CD109: variants seen among roughly 807,000 people sequenced by gnomAD.
CD109 encodes the protein CD109 molecule.
CD109 carries 149 observed loss-of-function variants against 165.8 expected under a neutral mutation model. The ratio of observed to expected loss-of-function variants is 0.90; its 90% CI spans 0.79 to 1.03. The LOEUF is 1.03. CD109 is among the 50% of genes least tolerant of loss of function. CD109 has a pLI of 0.00. For synonymous variants in CD109, 585 were observed against 592.1 expected, an observed-to-expected ratio of 0.99 and a Z score of 0.18; for missense variants, 1,712 against 1,677.8, an observed-to-expected ratio of 1.02 and a Z score of -0.36.
At chr6:73,749,886 A>G (rs180795692) in intron 5 of CD109, among the ~76,000 whole-genome samples, 1 of 152,212 alleles carries the variant, frequency 6.6e-6, no homozygotes, top group Non-Finnish European at 1.5e-5. Context: ...TGACATGATT[A>G]AAGTTGTATT....
intron 29 of CD109, 111 bp downstream of exon 29, chr6:73,812,381 C>A: frequency 1.4e-6 from 1 of 691,172 alleles, no homozygotes; most frequent in Non-Finnish European, 2.4e-6. Flanking sequence ...TAATGATTTA[C>A]ATCTGTGACT....
intron 4 of CD109, among the ~76,000 whole-genome samples, chr6:73,735,670 G>A (rs1223129125): frequency 6.6e-6 from 1 of 152,110 alleles, no homozygotes; most frequent in Non-Finnish European, 1.5e-5. Context: ...TCTCTAATAT[G>A]CTTTTGTTGA....
rs147895655 is a variant in CD109 at position 73,807,570 on chromosome 6, C to T, written c.3189+498C>T. On this transcript the variant is annotated intron_variant, in intron 25 of 32. Coordinates refer to ENST00000287097, the MANE Select transcript of CD109 (RefSeq NM_133493.5). ...GAGTATGCGTGGAAAGGTATGCTGACGAGCTTAAGTTTGCTCCAGAGCTGT... is the reference window on the plus strand; with the variant it reads ...GAGTATGCGTGGAAAGGTATGCTGATGAGCTTAAGTTTGCTCCAGAGCTGT... Among the ~76,000 whole-genome samples, 417 of 152,226 alleles carry T rather than the reference C, an allele frequency of 2.7e-3. 2 individuals carry two copies. Among genetic ancestry groups the T allele is most frequent in the Non-Finnish European group, 4.1e-3 (279 of 68,002 alleles).
At chr6:73,751,881 A>G (rs1582102244) in intron 5 of CD109, among the ~76,000 whole-genome samples, 1 of 152,194 alleles carries the variant, frequency 6.6e-6, no homozygotes, top group Non-Finnish European at 1.5e-5. Context: ...GTTAAGAGTT[A>G]CAAAACCAGT....
rs1306470815 is a variant in CD109 at position 73,827,648 on chromosome 6, T to C, written c.*4015T>C. On this transcript the variant is annotated 3_prime_UTR_variant, in exon 33 of 33. Transcript: ENST00000287097. ...TGAGAGTAGGCTTGTTTTACAACTA[T>C]TTCTAGCCAGTGAGTTGTGTTTTCA... 4 of 152,148 alleles carry C rather than the reference T, an allele frequency of 2.6e-5. No individual in the cohort carries two copies. The highest frequency in any genetic ancestry group is 4.4e-5 in the Non-Finnish European group (3 of 68,016). 9.4% of individuals were successfully genotyped at this position (152,148 alleles called of 1,614,324 possible).
At chr6:73,718,098 C>T (rs1354727383) in intron 2 of CD109, among the ~76,000 whole-genome samples, 1 of 151,822 alleles carries the variant, frequency 6.6e-6, no homozygotes, top group South Asian at 2.1e-4. Flanking sequence ...ATCACTTGAG[C>T]CTGGGAGTCT....
At chr6:73,715,609 C>T (rs922831132) in intron 2 of CD109, among the ~76,000 whole-genome samples, 1 of 147,426 alleles carries the variant, frequency 6.8e-6, no homozygotes, top group Non-Finnish European at 1.5e-5. Context: ...ACCAACTATA[C>T]AACTGATTCT....
At chr6:73,683,765 A>G in the CD109 span, among the ~76,000 whole-genome samples, 7 of 152,210 alleles carry the variant, frequency 4.6e-5, no homozygotes, top group Admixed American at 6.5e-5. Flanking sequence ...GAAGGCAAGG[A>G]GGAGCAAGTC....
intron 2 of CD109, among the ~76,000 whole-genome samples, chr6:73,711,056 A>G (rs1263595827): frequency 6.6e-6 from 1 of 152,226 alleles, no homozygotes; most frequent in Non-Finnish European, 1.5e-5. Flanking sequence ...TGAACTGTAC[A>G]AAAAACAGGC....
chr6:73,761,664 G>A (rs1773637052), intron 7 of CD109, among the ~76,000 whole-genome samples: 1 of 151,924 alleles, frequency 6.6e-6, no homozygotes, highest in Non-Finnish European at 1.5e-5. Flanking sequence ...GGGATTACAG[G>A]CACCCACCAC....
At chr6:73,810,621 T>C (rs1775719521) in intron 27 of CD109, among the ~76,000 whole-genome samples, 1 of 152,100 alleles carries the variant, frequency 6.6e-6, no homozygotes, top group South Asian at 2.1e-4. Context: ...CAGTGGGATC[T>C]ACAGAAATGC....
chr6:73,818,477 G>A lies in CD109; in HGVS notation c.4001G>A (p.Ser1334Asn). The change falls in exon 31 of 33, where the codon AGC becomes AAC. Residue 1334 changes from serine (S) to asparagine (N), a missense_variant. Physicochemically the swap from Ser to Asn is conservative, Grantham distance 46. Transcript: ENST00000287097. Reference sequence around the variant, plus strand: ...GTGCCTTCAGAAGCAATTTCTCTGAGCGAGACAGTGAAGAAAGTGGAATAT... The same window carrying A: ...GTGCCTTCAGAAGCAATTTCTCTGAACGAGACAGTGAAGAAAGTGGAATAT... Reference protein sequence around the residue: ...FMVPSEAISLSETVKKVEYDH... With the variant: ...FMVPSEAISLNETVKKVEYDH... 1 of 1,613,596 alleles carries A rather than the reference G, an allele frequency of 6.2e-7. No homozygotes were observed. Among genetic ancestry groups the A allele is most frequent in the Non-Finnish European group, 8.5e-7 (1 of 1,179,866 alleles).
intron 5 of CD109, among the ~76,000 whole-genome samples, chr6:73,737,365 A>G (rs1378069067): frequency 6.6e-6 from 1 of 152,220 alleles, no homozygotes; most frequent in Non-Finnish European, 1.5e-5. Flanking sequence ...CTGGAGGCAC[A>G]ATGGACTCTC....
chr6:73,689,761 T>G, the CD109 span, among the ~76,000 whole-genome samples: 1 of 152,190 alleles, frequency 6.6e-6, no homozygotes, highest in Non-Finnish European at 1.5e-5. Context: ...TTGTAAACAT[T>G]GTGTATTTCA....
intron 5 of CD109, among the ~76,000 whole-genome samples, chr6:73,745,091 A>G (rs1160088533): frequency 6.6e-6 from 1 of 152,106 alleles, no homozygotes; most frequent in Admixed American, 6.6e-5. Flanking sequence ...ATGTGCAGCA[A>G]TTGCTGTTTT....
intron 2 of CD109, among the ~76,000 whole-genome samples, chr6:73,721,526 G>A (rs957923139): frequency 1.3e-5 from 2 of 151,140 alleles, no homozygotes; most frequent in East Asian, 3.9e-4. Context: ...CACCACACCC[G>A]GCTAATTTTT....
chr6:73,795,745 A>G (rs1209182256), intron 23 of CD109, among the ~76,000 whole-genome samples: 1 of 152,136 alleles, frequency 6.6e-6, no homozygotes, highest in East Asian at 1.9e-4. Flanking sequence ...AGGCAGTCAC[A>G]CCTGGGCTTG....
chr6:73,819,268 T>C (rs2150310828), intron 31 of CD109, among the ~76,000 whole-genome samples: 1 of 152,344 alleles, frequency 6.6e-6, no homozygotes, highest in East Asian at 1.9e-4. Context: ...GATTTGATCT[T>C]GACATAGAAT....
chr6:73,756,599 A>G (rs1773400391), intron 5 of CD109, 44 bp from the exon 6 acceptor site: 1 of 1,302,454 alleles, frequency 7.7e-7, no homozygotes, highest in South Asian at 1.4e-5. Flanking sequence ...AATAAATAAG[A>G]ACTCATATAC....
Sources: allele counts gnomAD v4.1 joint callset (sites outside exome capture counted in the v4.1 genomes callset), GRCh38; gene constraint gnomAD v4.1.1; transcripts MANE v1.5; gene names NCBI Gene and HGNC (gene_info 2026-07-23, HGNC 2026-07-21).